The following ANXA11 variants were observed in gnomAD, a reference collection of about 807,000 sequenced individuals.
The protein encoded by ANXA11 is 56 kDa autoantigen.
Under a neutral mutation model 64.7 loss-of-function variants are expected in ANXA11, and 57 were observed. That is an observed-to-expected ratio of 0.88 (90% CI 0.71 to 1.10). The LOEUF (loss-of-function observed/expected upper bound fraction) is 1.10, where lower values mean the gene tolerates loss of function less well. Ranked by LOEUF, ANXA11 falls within the 50% of genes least tolerant of loss-of-function variation. The pLI is 0.00. For synonymous variants in ANXA11, 260 were observed against 265.2 expected, an observed-to-expected ratio of 0.98 and a Z score of 0.19; for missense variants, 675 against 670.7, an observed-to-expected ratio of 1.01 and a Z score of -0.07.
chr10:80,186,397 T>C (rs558462696), intron 1 of ANXA11, among the ~76,000 whole-genome samples: 1 of 152,148 alleles, frequency 6.6e-6, no homozygotes, highest in East Asian at 1.9e-4. Flanking sequence ...TGTGTTGGAT[T>C]TTCCAGCCTC....
chr10:80,166,557 C>G (rs1437630463), intron 7 of ANXA11: 1 of 451,742 alleles, frequency 2.2e-6, no homozygotes, highest in Admixed American at 3.9e-5. Flanking sequence ...CAGCCTTTCC[C>G]TGCAAAGCTC....
At chr10:80,170,085 T>C (rs919005488) in intron 4 of ANXA11, among the ~76,000 whole-genome samples, 5 of 152,160 alleles carry the variant, frequency 3.3e-5, no homozygotes, top group Non-Finnish European at 7.4e-5. Flanking sequence ...CCCTTTACCC[T>C]GGTCAACTTG....
intron 1 of ANXA11, among the ~76,000 whole-genome samples, chr10:80,188,511 A>ATATATATATATATATATATATATACATG (rs1554834982): frequency 3.2e-5 from 4 of 126,542 alleles, no homozygotes; most frequent in African/African-American, 1.2e-4. Context: ...ATATATATAT[A>ATATATATATATATATATATATATACATG]GCACTACAAC....
intron 2 of ANXA11, among the ~76,000 whole-genome samples, chr10:80,174,597 C>T (rs557611778): frequency 1.2e-4 from 18 of 148,506 alleles, no homozygotes; most frequent in South Asian, 2.2e-4. Context: ...TTTTAAACAG[C>T]GTCTCACTCT....
At chr10:80,180,644 G>T (rs1355632555) in intron 1 of ANXA11, among the ~76,000 whole-genome samples, 1 of 147,786 alleles carries the variant, frequency 6.8e-6, no homozygotes, top group Non-Finnish European at 1.5e-5. Flanking sequence ...TTGTATATTA[G>T]TTTTTTTTTT....
chr10:80,167,147 C>T, intron 6 of ANXA11, 79 bp downstream of exon 6: 2 of 1,475,616 alleles, frequency 1.4e-6, no homozygotes, highest in South Asian at 1.1e-5. Context: ...CCCAGCTACC[C>T]CAGCCCACAG....
intron 1 of ANXA11, among the ~76,000 whole-genome samples, chr10:80,201,685 C>A (rs1214987967): frequency 6.6e-6 from 1 of 152,150 alleles, no homozygotes; most frequent in Non-Finnish European, 1.5e-5. Flanking sequence ...CAGGAACATG[C>A]CTTGTCACCT....
In ANXA11 at chr10:80,163,609, G is replaced by A; in HGVS notation, c.954C>T (p.Phe318=). 6.4e-7 allele frequency: 1 copy of A among 1,553,012 alleles called. No homozygotes were observed. Among genetic ancestry groups the A allele is most frequent in the Non-Finnish European group, 8.7e-7 (1 of 1,148,318 alleles). ...GAATGGCCTCTTCCAGGGTCTTTTT[G>A]AATTCTGAAAGGGAGAAGCAAGGAA... ...RELNRAYKAE[F]KKTLEEAIRS... The change falls in exon 10 of 16, where the codon TTC becomes TTT. Residue 318 remains phenylalanine (F), a synonymous_variant. Coordinates refer to ENST00000422982, the MANE Select transcript of ANXA11 (RefSeq NM_145868.2).
At chr10:80,185,896 G>A (rs975638720) in intron 1 of ANXA11, among the ~76,000 whole-genome samples, 1 of 152,190 alleles carries the variant, frequency 6.6e-6, no homozygotes, top group African/African-American at 2.4e-5. Context: ...CTGGTATGAT[G>A]AAATAGCATG....
chr10:80,163,557 G>T lies in ANXA11; in HGVS notation c.1006C>A (p.Arg336=). ...ACCTGAGAGAGAGAGATGAGGAGCC[G>T]CTGGAAGTGCCCTGATGTGTCGCTT... The part of the protein sequence containing the change: ...IRSDTSGHFQ[R]LLISLSQGNR... The change falls in exon 10 of 16, where the codon CGG becomes AGG. Residue 336 remains arginine (R), a synonymous_variant. Coordinates refer to ENST00000422982, the MANE Select transcript of ANXA11 (RefSeq NM_145868.2). 6.4e-7 allele frequency: 1 copy of T among 1,574,524 alleles called. No individual in the cohort carries two copies. The highest frequency in any genetic ancestry group is 8.6e-7 in the Non-Finnish European group (1 of 1,159,238).
intron 15 of ANXA11, chr10:80,157,270 T>C: frequency 9.1e-6 from 9 of 985,402 alleles, no homozygotes; most frequent in Non-Finnish European, 1.1e-5. Flanking sequence ...TAAAGCTGAG[T>C]GCAGGAAGTG....
chr10:80,157,368 A>C (rs1381034488), intron 15 of ANXA11: 1 of 985,296 alleles, frequency 1.0e-6, no homozygotes. Flanking sequence ...GGTGATCGGA[A>C]CGCTGAAGGT....
At chr10:80,174,937 A>G (rs1201624355) in intron 2 of ANXA11, among the ~76,000 whole-genome samples, 1 of 152,204 alleles carries the variant, frequency 6.6e-6, no homozygotes, top group African/African-American at 2.4e-5. Context: ...TTTCAGCCCT[A>G]CGGGTGTAGT....
At chr10:80,159,377 TAGA>T (rs1845414827) in intron 12 of ANXA11, among the ~76,000 whole-genome samples, 182 bp from the exon 13 acceptor site, 2 of 152,222 alleles carry the variant, frequency 1.3e-5, no homozygotes, top group African/African-American at 2.4e-5. Context: ...CTGGTCTCCT[TAGA>T]AGAAGAGAAG....
At position 80,203,757 on chromosome 10, in the gene ANXA11, C is replaced by G. The variant is rs527462528; in HGVS notation, c.-58+1586G>C. Among the ~76,000 whole-genome samples, 146 of 152,320 alleles carry G rather than the reference C, an allele frequency of 9.6e-4. 2 individuals carry two copies. Among genetic ancestry groups the G allele is most frequent in the Admixed American group, 9.5e-3 (145 of 15,304 alleles). ...GTCCCTCCTGCTGGGAGCAGGCACCCGGATGGCTCCCAGGAGGGTGGAGAA... is the reference window on the plus strand; with the variant it reads ...GTCCCTCCTGCTGGGAGCAGGCACCGGGATGGCTCCCAGGAGGGTGGAGAA... On this transcript the variant is annotated intron_variant, in intron 1 of 15. Coordinates refer to ENST00000422982, the MANE Select transcript of ANXA11 (RefSeq NM_145868.2).
intron 1 of ANXA11, among the ~76,000 whole-genome samples, chr10:80,185,807 C>T (rs1004468841): frequency 6.6e-6 from 1 of 152,234 alleles, no homozygotes; most frequent in Admixed American, 6.5e-5. Context: ...AAAGCCCAGA[C>T]TTTACCACTA....
chr10:80,165,816 A>G (rs1055329947), intron 8 of ANXA11, among the ~76,000 whole-genome samples: 2 of 152,048 alleles, frequency 1.3e-5, no homozygotes, highest in African/African-American at 2.4e-5. Flanking sequence ...CCTTTTCTTT[A>G]AGATGGAGAG....
rs750299029 is a variant in ANXA11 at position 80,171,042 on chromosome 10, CACCACAG to C, written c.56-134_56-128del. ...AAGCCTCGAGCCTCGAGCCTCGGGA[CACCACAG>C]ACCACATGAAAACACCAGGAGGAAA... On this transcript the variant is annotated intron_variant, in intron 3 of 15. Coordinates refer to ENST00000422982, the MANE Select transcript of ANXA11 (RefSeq NM_145868.2). 3 of 1,524,612 alleles carry C rather than the reference CACCACAG, an allele frequency of 2.0e-6. No homozygotes were observed. In the East Asian group the frequency reaches 7.5e-5, roughly 38 times the overall value. The allele number at this position is 1,524,612 out of a possible 1,614,324, so 94.4% of individuals were successfully genotyped here.
chr10:80,166,280 CA>C (rs1298212083), intron 7 of ANXA11, 83 bp from the exon 8 acceptor site: 2 of 785,584 alleles, frequency 2.5e-6, no homozygotes, highest in East Asian at 5.3e-5. Flanking sequence ...TAATAAGAGC[CA>C]TATCCCAGAT....
Sources: gnomAD v4.1 joint callset for allele counts (sites outside exome capture counted in the v4.1 genomes callset) on GRCh38, gnomAD v4.1.1 for gene constraint, MANE v1.5 for transcripts, NCBI Gene and HGNC (gene_info 2026-07-23, HGNC 2026-07-21) for gene names.